FRMD5: variants seen among roughly 807,000 people sequenced by gnomAD.
FRMD5 encodes the protein FERM domain containing 5.
Under a neutral mutation model 69.0 loss-of-function variants are expected in FRMD5, and 20 were observed. The observed-to-expected ratio is 0.29, with a 90% CI of 0.20 to 0.42. The LOEUF (loss-of-function observed/expected upper bound fraction) is 0.42. Ranked by LOEUF, FRMD5 falls within the 10% of genes least tolerant of loss-of-function variation. FRMD5 has a pLI of 1.00. For missense variants in FRMD5, 595 were observed against 708.6 expected, an observed-to-expected ratio of 0.84 and a Z score of 1.82; for synonymous variants, 271 against 260.1, an observed-to-expected ratio of 1.04 and a Z score of -0.40.
At chr15:44,162,606 G>A (rs995569517) in intron 1 of FRMD5, among the ~76,000 whole-genome samples, 9 of 152,064 alleles carry the variant, frequency 5.9e-5, no homozygotes, top group East Asian at 3.9e-4. Flanking sequence ...GGTGACTCAC[G>A]CCTGTGATCC....
At chr15:44,185,635 A>C (rs962505020) in intron 1 of FRMD5, among the ~76,000 whole-genome samples, 3 of 152,080 alleles carry the variant, frequency 2.0e-5, no homozygotes, top group Non-Finnish European at 4.4e-5. Flanking sequence ...TGTACTAAAA[A>C]TACAAAAATT....
At chr15:43,949,935 G>GCATGGAGATTC (rs2090001304) in intron 1 of FRMD5, among the ~76,000 whole-genome samples, 1 of 152,170 alleles carries the variant, frequency 6.6e-6, no homozygotes, top group Non-Finnish European at 1.5e-5. Flanking sequence ...TTTGCATGCT[G>GCATGGAGATTC]CATGGAGATT....
intron 1 of FRMD5, among the ~76,000 whole-genome samples, chr15:43,983,968 A>G (rs778330190): frequency 3.9e-5 from 6 of 152,220 alleles, no homozygotes; most frequent in African/African-American, 7.2e-5. Context: ...TAAAATGGCT[A>G]CAAGACACAT....
chr15:44,140,364 A>C (rs1265255350), intron 1 of FRMD5, among the ~76,000 whole-genome samples: 1 of 152,138 alleles, frequency 6.6e-6, no homozygotes, highest in African/African-American at 2.4e-5. Context: ...ACTGAACAAC[A>C]ATGAAATTAC....
At chr15:43,900,407 C>A (rs763186619) in intron 7 of FRMD5, among the ~76,000 whole-genome samples, 1 of 152,164 alleles carries the variant, frequency 6.6e-6, no homozygotes, top group Non-Finnish European at 1.5e-5. Flanking sequence ...AATGTGTTTT[C>A]TGACAGTGTG....
At chr15:44,135,964 A>G (rs1268838598) in intron 1 of FRMD5, among the ~76,000 whole-genome samples, 1 of 152,136 alleles carries the variant, frequency 6.6e-6, no homozygotes, top group Non-Finnish European at 1.5e-5. Context: ...ACACCAGTTA[A>G]GTTTTGGGTC....
chr15:44,013,157 G>A (rs1890800786), intron 1 of FRMD5, among the ~76,000 whole-genome samples: 1 of 152,202 alleles, frequency 6.6e-6, no homozygotes, highest in African/African-American at 2.4e-5. Flanking sequence ...GAGAAGCTGA[G>A]GCAGGATGAC....
chr15:44,124,362 A>AG (rs1013670482), intron 1 of FRMD5, among the ~76,000 whole-genome samples: 8 of 152,044 alleles, frequency 5.3e-5, no homozygotes, highest in African/African-American at 1.7e-4. Context: ...TCAAAATAAA[A>AG]GAAGGAAGGA....
chr15:44,152,504 C>T (rs772839731), intron 1 of FRMD5, among the ~76,000 whole-genome samples: 22 of 152,260 alleles, frequency 1.4e-4, no homozygotes, highest in Non-Finnish European at 2.6e-4. Context: ...GCAGAATAAG[C>T]GTATGTTTAA....
chr15:44,094,536 T>C (rs1395392815), intron 1 of FRMD5, among the ~76,000 whole-genome samples: 2 of 152,220 alleles, frequency 1.3e-5, no homozygotes, highest in Non-Finnish European at 2.9e-5. Flanking sequence ...CCTCTAGTAT[T>C]TATCAAGCTC....
chr15:44,121,431 G>A (rs1347250517), intron 1 of FRMD5, among the ~76,000 whole-genome samples: 2 of 152,048 alleles, frequency 1.3e-5, no homozygotes, highest in African/African-American at 4.8e-5. Flanking sequence ...TATTAAAAAA[G>A]TATTGCCATA....
intron 1 of FRMD5, among the ~76,000 whole-genome samples, chr15:43,999,117 G>A (rs772262866): frequency 6.6e-6 from 1 of 152,092 alleles, no homozygotes; most frequent in Non-Finnish European, 1.5e-5. Context: ...GCCCAGGCTG[G>A]AGTGTGGTGG....
Position 44,016,636 on chromosome 15 carries a change from T to C in FRMD5, c.103-92327A>G, listed in dbSNP as rs534883629. Among the ~76,000 whole-genome samples the C allele has an allele frequency of 2.7e-4, 41 of 152,108 alleles. 1 individual carries two copies. The highest frequency in any genetic ancestry group is 1.8e-3 in the Admixed American group (28 of 15,292). ...TACTTGGGAGGCCAAGGCAGGAGAA[T>C]TGCTTGAACCCGGGAGGTGGAGGCT... On this transcript the variant is annotated intron_variant, in intron 1 of 13. Transcript: ENST00000417257.
intron 1 of FRMD5, among the ~76,000 whole-genome samples, chr15:44,047,420 G>A (rs1892476838): frequency 6.6e-6 from 1 of 152,136 alleles, no homozygotes; most frequent in African/African-American, 2.4e-5. Flanking sequence ...CTGGCCTGCT[G>A]TCTGATTTGT....
intron 4 of FRMD5, among the ~76,000 whole-genome samples, chr15:43,914,723 C>CTTTTTTTTTTTTTTTTTTTCTTTTTTTT (rs2089351495): frequency 9.1e-6 from 1 of 109,418 alleles, no homozygotes; most frequent in African/African-American, 5.4e-5. Flanking sequence ...AGGTGACTAC[C>CTTTTTTTTTTTTTTTTTTTCTTTTTTTT]TTTTTTTTTT....
At position 44,123,844 on chromosome 15, in the gene FRMD5, C is replaced by T. The variant is rs1207387901; in HGVS notation, c.102+71109G>A. Among the ~76,000 whole-genome samples the T allele has an allele frequency of 2.6e-5, 4 of 151,932 alleles. No homozygotes were observed. In the East Asian group the frequency reaches 5.8e-4, roughly 22 times the overall value. ...AATTAAAATAGCTTTAAAGTACTAC[C>T]GCTTAACTAGCAAGATGTAAATTAC... is the stretch of plus-strand genomic sequence containing the variant. On this transcript the variant is annotated intron_variant, in intron 1 of 13. Coordinates refer to ENST00000417257, the MANE Select transcript of FRMD5 (RefSeq NM_032892.5).
intron 1 of FRMD5, chr15:43,989,827 ATCT>A: frequency 9.7e-7 from 1 of 1,032,198 alleles, no homozygotes; most frequent in South Asian, 1.3e-5. Context: ...GATCTGGGTC[ATCT>A]TCTTGTGGTT....
intron 1 of FRMD5, among the ~76,000 whole-genome samples, chr15:43,936,032 C>G (rs7179287): frequency 0.044 from 6,688 of 152,244 alleles, 443 homozygotes; most frequent in African/African-American, 0.14. Flanking sequence ...ATGATATGCA[C>G]TGCCTGTACT....
intron 13 of FRMD5, chr15:43,879,798 A>G (rs2088472884): frequency 2.5e-6 from 1 of 397,304 alleles, no homozygotes; most frequent in Non-Finnish European, 4.4e-6. Flanking sequence ...ATTTCTGCAG[A>G]TCCCACATCA....
Sources: gnomAD v4.1 joint callset for allele counts (sites outside exome capture counted in the v4.1 genomes callset) on GRCh38, gnomAD v4.1.1 for gene constraint, MANE v1.5 for transcripts, NCBI Gene and HGNC (gene_info 2026-07-23, HGNC 2026-07-21) for gene names.